Variants in TPRG1 observed in about 807,000 individuals in gnomAD.
The protein encoded by TPRG1 is tumor protein p63-regulated gene 1 protein.
TPRG1 carries 29 observed loss-of-function variants against 29.3 expected under a neutral mutation model. The observed-to-expected ratio is 0.99, with a 90% CI of 0.74 to 1.35. TPRG1 has a LOEUF of 1.35. Ranked by LOEUF, TPRG1 falls within the 40% of genes most tolerant of loss-of-function variation. The pLI, the probability that TPRG1 is intolerant of heterozygous loss-of-function variation, is 0.00. For missense variants in TPRG1, 327 were observed against 335.0 expected, an observed-to-expected ratio of 0.98 and a Z score of 0.19; for synonymous variants, 130 against 116.8, an observed-to-expected ratio of 1.11 and a Z score of -0.73.
At chr3:189,206,419 A>G (rs1008765216) in intron 1 of TPRG1, among the ~76,000 whole-genome samples, 1 of 151,562 alleles carries the variant, frequency 6.6e-6, no homozygotes, top group Non-Finnish European at 1.5e-5. Flanking sequence ...ACAGTGTTGT[A>G]TGAGATATAA....
At chr3:189,024,751 G>C (rs1450753590) in intron 4 of TPRG1, among the ~76,000 whole-genome samples, 1 of 152,086 alleles carries the variant, frequency 6.6e-6, no homozygotes, top group African/African-American at 2.4e-5. Flanking sequence ...TGGATGCGAA[G>C]TCCTGCCCAG....
intron 5 of TPRG1, chr3:189,150,970 C>A (rs1452076946): frequency 1.3e-5 from 2 of 152,124 alleles, no homozygotes; most frequent in African/African-American, 4.8e-5. Context: ...CATCAGTGTT[C>A]CCATCTGTGA....
rs1043259168 is a variant in TPRG1 at position 189,322,290 on chromosome 3, T to A, written c.*1470T>A. On this transcript the variant is annotated 3_prime_UTR_variant, in exon 6 of 6. Coordinates refer to ENST00000345063, the MANE Select transcript of TPRG1 (RefSeq NM_198485.4). ...TTCAAAGATTTGTCCTCTGATATAT[T>A]TATAAACATCAATTTAATGCAGACA... The A allele has an allele frequency of 3.9e-5, 6 of 152,500 alleles. No homozygotes were observed. The highest frequency in any genetic ancestry group is 1.4e-4 in the African/African-American group (6 of 41,568). The allele number at this position is 152,500 out of a possible 1,614,324, so 9.4% of individuals were successfully genotyped here.
At chr3:189,107,026 G>A (rs933579103) in intron 1 of TPRG1, among the ~76,000 whole-genome samples, 12 of 151,778 alleles carry the variant, frequency 7.9e-5, no homozygotes, top group Admixed American at 6.6e-5. Flanking sequence ...GGAAAAAATA[G>A]CATTTGTTTT....
intron 4 of TPRG1, among the ~76,000 whole-genome samples, chr3:189,268,587 A>T (rs1714535493): frequency 6.6e-6 from 1 of 152,168 alleles, no homozygotes; most frequent in Admixed American, 6.5e-5. Flanking sequence ...TTTATCCTGT[A>T]CTCACTATGA....
intron 2 of TPRG1, among the ~76,000 whole-genome samples, chr3:189,001,801 C>G (rs774655288): frequency 6.6e-6 from 1 of 152,060 alleles, no homozygotes; most frequent in Non-Finnish European, 1.5e-5. Context: ...TCTTTGACTT[C>G]CATGACTCAA....
intron 3 of TPRG1, among the ~76,000 whole-genome samples, chr3:189,233,032 GC>G (rs11333531): frequency 0.27 from 40,915 of 151,880 alleles, 5,835 homozygotes; most frequent in South Asian, 0.47. Flanking sequence ...CTCCTGGGTT[GC>G]TGATTCCTTG....
At chr3:189,103,823 T>G (rs1719493167) in intron 1 of TPRG1, among the ~76,000 whole-genome samples, 1 of 152,166 alleles carries the variant, frequency 6.6e-6, no homozygotes, top group African/African-American at 2.4e-5. Flanking sequence ...TCATGTCAGC[T>G]TCATCTTTCC....
At chr3:189,126,189 C>T (rs913937273) in intron 1 of TPRG1, among the ~76,000 whole-genome samples, 2 of 152,100 alleles carry the variant, frequency 1.3e-5, no homozygotes, top group East Asian at 3.9e-4. Context: ...GAGGTGCTGA[C>T]ACCAGGAAAA....
Position 189,165,269 on chromosome 3 carries a change from G to A in TPRG1, c.-10+14397G>A, listed in dbSNP as rs146606142. 4.8e-3 allele frequency among the ~76,000 whole-genome samples: 730 copies of A among 151,794 alleles called. 21 individuals are homozygous for A. The East Asian group carries it at 0.067, about 14-fold the overall frequency. On this transcript the variant is annotated intron_variant, in intron 5 of 6. Transcript: ENST00000412373. ...TACCACACCCTCAACTTTGCCTGCC[G>A]CCCAGTGTTCCAGACACACAGGTTT...
chr3:189,148,009 C>A (rs186600039), intron 4 of TPRG1, among the ~76,000 whole-genome samples: 144 of 152,234 alleles, frequency 9.5e-4, no homozygotes, highest in African/African-American at 3.2e-3. Flanking sequence ...GGAGTGTTTT[C>A]AAAAAGTAGC....
At chr3:189,140,541 T>C (rs1403837756) in intron 3 of TPRG1, among the ~76,000 whole-genome samples, 1 of 152,210 alleles carries the variant, frequency 6.6e-6, no homozygotes, top group Non-Finnish European at 1.5e-5. Flanking sequence ...CCTCCTACAA[T>C]GTTACCACTA....
chr3:189,314,600 G>C (rs1257394695), intron 5 of TPRG1, among the ~76,000 whole-genome samples: 1 of 151,924 alleles, frequency 6.6e-6, no homozygotes, highest in East Asian at 1.9e-4. Flanking sequence ...TTTCCAATCT[G>C]TTCACATACA....
chr3:189,324,231 C>A lies in TPRG1; in HGVS notation c.*3411C>A, dbSNP rs1442924042. The stretch of plus-strand genomic sequence containing the variant: ...TTCTGGGGATAAGAAGGCAGAAAAA[C>A]CATGTCAATTCAGTGCTTTTATTTC... On this transcript the variant is annotated 3_prime_UTR_variant, in exon 6 of 6. Coordinates refer to ENST00000345063, the MANE Select transcript of TPRG1 (RefSeq NM_198485.4). 1 of 152,072 alleles carries A rather than the reference C, an allele frequency of 6.6e-6. No individual in the cohort carries two copies. Among genetic ancestry groups the A allele is most frequent in the Non-Finnish European group, 1.5e-5 (1 of 68,008 alleles). 9.4% of individuals were successfully genotyped at this position (152,072 alleles called of 1,614,324 possible).
At chr3:189,057,818 GTA>G (rs569838324) in intron 4 of TPRG1, among the ~76,000 whole-genome samples, 6 of 134,730 alleles carry the variant, frequency 4.5e-5, no homozygotes, top group East Asian at 2.1e-4. Context: ...ATATATGTGT[GTA>G]TATATATACA....
At chr3:189,221,969 TGA>T (rs1450927901) in intron 3 of TPRG1, among the ~76,000 whole-genome samples, 1 of 107,702 alleles carries the variant, frequency 9.3e-6, no homozygotes, top group African/African-American at 3.3e-5. Context: ...CTGCCTTTTG[TGA>T]TTTTTTTTTT....
intron 3 of TPRG1, chr3:189,219,679 T>A (rs866335660): frequency 7.8e-7 from 1 of 1,281,524 alleles, no homozygotes. Flanking sequence ...ACTTGAGGTG[T>A]CTTTGTCTAC....
At chr3:189,194,914 G>T (rs1222107392) in intron 1 of TPRG1, among the ~76,000 whole-genome samples, 3 of 152,164 alleles carry the variant, frequency 2.0e-5, no homozygotes, top group African/African-American at 7.2e-5. Context: ...CAGGAAGAGG[G>T]GTGTCTCAGC....
intron 1 of TPRG1, among the ~76,000 whole-genome samples, chr3:189,122,437 A>G (rs1721937133): frequency 6.6e-6 from 1 of 152,248 alleles, no homozygotes; most frequent in South Asian, 2.1e-4. Context: ...AAATATAACC[A>G]GGACAAAGTA....
Sources: allele counts gnomAD v4.1 joint callset (sites outside exome capture counted in the v4.1 genomes callset), GRCh38; gene constraint gnomAD v4.1.1; transcripts MANE v1.5; gene names NCBI Gene and HGNC (gene_info 2026-07-23, HGNC 2026-07-21).